The following MIF4GD variants were observed in gnomAD, a reference collection of about 807,000 sequenced individuals.
MIF4GD encodes MIF4G domain-containing protein.
MIF4GD carries 22 observed loss-of-function variants against 26.7 expected under a neutral mutation model. That is an observed-to-expected ratio of 0.82 (90% CI 0.59 to 1.18). The LOEUF is 1.18. Among genes scored for constraint, MIF4GD ranks in the 50% most tolerant of loss-of-function variants. The pLI, the probability that MIF4GD is intolerant of heterozygous loss-of-function variation, is 0.00. For synonymous variants in MIF4GD, 137 were observed against 111.6 expected (o/e 1.23, Z -1.43); for missense variants, 262 against 279.6 (o/e 0.94, Z 0.45).
Position 75,270,313 on chromosome 17 carries a change from C to T in MIF4GD, c.-50-68G>A. ...CAGGGCGGGTTCCGTCCTGCAGGCC[C>T]TGGACGGGGCTGACGGCGCGCTCGG... On this transcript the variant is annotated intron_variant, in intron 1 of 5. Coordinates refer to ENST00000325102, the MANE Select transcript of MIF4GD (RefSeq NM_001370592.1). The surrounding 1 kb of genome is among the most constrained non-coding windows in gnomAD (Gnocchi z 5.7). The T allele has an allele frequency of 1.1e-6, 1 of 883,656 alleles. No homozygotes were observed. Among genetic ancestry groups the T allele is most frequent in the Non-Finnish European group, 1.8e-6 (1 of 544,566 alleles). The allele number at this position is 883,656 out of a possible 1,614,324, so 54.7% of individuals were successfully genotyped here.
Position 75,267,789 on chromosome 17 carries a change from A to T in MIF4GD, c.305T>A (p.Val102Asp). 6.2e-7 allele frequency: 1 copy of T among 1,613,960 alleles called. No individual in the cohort carries two copies. The highest frequency in any genetic ancestry group is 8.5e-7 in the Non-Finnish European group (1 of 1,179,966). The change falls in exon 4 of 6, where the codon GTC (valine) becomes GAC (aspartate). Residue 102 changes from valine (V) to aspartate (D), a missense_variant. Transcript: ENST00000325102. ...QLRARSLQGW[V>D]CYVTFICNIF... ...GTTGCAGATAAAGGTGACATAGCAG[A>T]CCCAGCCCTGCAGGGAGCGTGCTCG...
rs1475622342 is a variant in MIF4GD, at chr17:75,268,052, A to C, written c.192+31T>G. 2.5e-6 allele frequency: 4 copies of C among 1,611,502 alleles called. No homozygotes were observed. In the East Asian group the frequency reaches 8.9e-5, roughly 36 times the overall value. On this transcript the variant is annotated intron_variant, in intron 3 of 5. Coordinates refer to ENST00000325102, the MANE Select transcript of MIF4GD (RefSeq NM_001370592.1). ...CCCACTCCTGAAGCACCTTCCTCAAAGCAGCTTCCTTTCCTCTCCCAACCC... is the reference window on the plus strand; with the variant it reads ...CCCACTCCTGAAGCACCTTCCTCAACGCAGCTTCCTTTCCTCTCCCAACCC...
At position 75,266,856 on chromosome 17, in the gene MIF4GD, T is replaced by C. The variant is rs765637526; in HGVS notation, c.553A>G (p.Thr185Ala). Reference sequence around the variant, plus strand: ...AGCTGGGCCAGGGAGCTGAGGCCAGTTGGGAGCAGGAAGCCATCCCGGATC... The same window carrying C: ...AGCTGGGCCAGGGAGCTGAGGCCAGCTGGGAGCAGGAAGCCATCCCGGATC... ...VLIRDGFLLP[T>A]GLSSLAQLLL... The change falls in exon 6 of 6, where the codon ACT becomes GCT. Residue 185 changes from threonine to alanine, a missense_variant. Physicochemically the swap from Thr to Ala is moderately conservative, Grantham distance 58. Transcript: ENST00000325102. The C allele has an allele frequency of 1.4e-5, 22 of 1,614,128 alleles. No individual in the cohort carries two copies. The highest frequency in any genetic ancestry group is 6.7e-5 in the East Asian group (3 of 44,882).
chr17:75,267,455 G>A (rs764894505), intron 5 of MIF4GD, 83 bp downstream of exon 5: 3 of 1,375,960 alleles, frequency 2.2e-6, no homozygotes, highest in Admixed American at 1.7e-5. Flanking sequence ...AGAGACCTCC[G>A]TGAGCAGTGG....
chr17:75,267,564 G>A lies in MIF4GD; in HGVS notation c.415C>T (p.Pro139Ser), dbSNP rs1378120518. 6.2e-7 allele frequency: 1 copy of A among 1,614,202 alleles called. No homozygotes were observed. Among genetic ancestry groups the A allele is most frequent in the South Asian group, 1.1e-5 (1 of 91,086 alleles). Reference sequence around the variant, plus strand: ...TCCTCCTCCTTGCTCAAACTGTCTGGCTGGGCCAGCCGGAAGAGGCAGTCA... The same window carrying A: ...TCCTCCTCCTTGCTCAAACTGTCTGACTGGGCCAGCCGGAAGAGGCAGTCA... ...VYDCLFRLAQPDSLSKEEEVD... is the reference protein window; with the variant it reads ...VYDCLFRLAQSDSLSKEEEVD... Residue 139 changes from proline (P) to serine (S), a missense_variant, in exon 5 of 6, where the codon CCA becomes TCA. Coordinates refer to ENST00000325102, the MANE Select transcript of MIF4GD (RefSeq NM_001370592.1).
rs1225732254 is a variant in MIF4GD, at chr17:75,270,143, G to C, written c.53C>G (p.Thr18Ser). 1 of 1,614,114 alleles carries C rather than the reference G, an allele frequency of 6.2e-7. No individual in the cohort carries two copies. Among genetic ancestry groups the C allele is most frequent in the Admixed American group, 1.7e-5 (1 of 60,022 alleles). The change falls in exon 2 of 6, where the codon ACC (threonine) becomes AGC (serine). Residue 18 changes from threonine to serine, a missense_variant. Transcript: ENST00000325102. The surrounding 1 kb of genome is among the most constrained non-coding windows in gnomAD (Gnocchi z 5.7). ...GAGTGCTGTCTTCAGCAGCTGCTGG[G>C]TCTCTGCATCAAAGGACTGGATTTT... ...EYKIQSFDAE[T>S]QQLLKTALKD...
Position 75,268,147 on chromosome 17 carries a change from T to A in MIF4GD, c.128A>T (p.Asp43Val). The A allele has an allele frequency of 6.2e-7, 1 of 1,614,220 alleles. No homozygotes were observed. The highest frequency in any genetic ancestry group is 8.5e-7 in the Non-Finnish European group (1 of 1,180,032). ...DLEKVANVIV[D>V]HSLQDCVFSK... is the part of the protein sequence containing the mutation. ...GAACACACAGTCCTGCAGAGAATGG[T>A]CCACAATCACATTGGCCACTTTCTC... The change falls in exon 3 of 6, where the codon GAC becomes GTC. Residue 43 changes from aspartate (D) to valine (V), a missense_variant. Asp to Val is a radical substitution (Grantham distance 152). Transcript: ENST00000325102.
rs1567822371 is a variant in MIF4GD at position 75,267,853 on chromosome 17, T to C, written c.241A>G (p.Asn81Asp). Residue 81 changes from asparagine (N) to aspartate (D), a missense_variant, in exon 4 of 6, where the codon AAC (asparagine) becomes GAC (aspartate). Coordinates refer to ENST00000325102, the MANE Select transcript of MIF4GD (RefSeq NM_001370592.1). ...GQSVFRRGLL[N>D]RLQQEYQARE... ...GCCTGGTACTCCTGCTGCAGCCGGT[T>C]GAGGAGTCCACGTCGGAAGACACTC... The C allele has an allele frequency of 1.9e-6, 3 of 1,613,970 alleles. No homozygotes were observed. Among genetic ancestry groups the C allele is most frequent in the South Asian group, 1.1e-5 (1 of 91,068 alleles).
intron 2 of MIF4GD, among the ~76,000 whole-genome samples, chr17:75,269,166 C>T (rs1335939601): frequency 6.6e-6 from 1 of 152,182 alleles, no homozygotes; most frequent in African/African-American, 2.4e-5. Flanking sequence ...CACATCTTTT[C>T]CTGGCACTAG....
rs777967865 is a variant in MIF4GD at position 75,270,133 on chromosome 17, C to T, written c.63G>A (p.Leu21=). Residue 21 remains leucine (L), a synonymous_variant, in exon 2 of 6, where the codon CTG becomes CTA. Coordinates refer to ENST00000325102, the MANE Select transcript of MIF4GD (RefSeq NM_001370592.1). This position sits in a 1 kb window ranked among gnomAD's most constrained non-coding sequence, Gnocchi z 5.7. ...GCTCACCTTTGAGTGCTGTCTTCAG[C>T]AGCTGCTGGGTCTCTGCATCAAAGG... is the stretch of plus-strand genomic sequence containing the variant. ...IQSFDAETQQ[L]LKTALKDPGA... is the part of the protein sequence containing the mutation. 6.8e-6 allele frequency: 11 copies of T among 1,614,054 alleles called. No individual in the cohort carries two copies. In the Admixed American group the frequency reaches 1.5e-4, roughly 22 times the overall value.
intron 2 of MIF4GD, among the ~76,000 whole-genome samples, chr17:75,268,887 C>T (rs1159498837): frequency 6.6e-6 from 1 of 151,600 alleles, no homozygotes; most frequent in Non-Finnish European, 1.5e-5. Flanking sequence ...CCCTGTAACC[C>T]CAGCTACTTG....
In MIF4GD at chr17:75,270,850, G is replaced by C. The variant is rs1179954891; in HGVS notation, c.-51+294C>G. The stretch of plus-strand genomic sequence containing the variant: ...CCCGTGCCAGCTTCTCCCTGGGACA[G>C]GCTGGTCGGATCGGCTCCCGAGTGG... On this transcript the variant is annotated intron_variant, in intron 1 of 5. Coordinates refer to ENST00000325102, the MANE Select transcript of MIF4GD (RefSeq NM_001370592.1). The surrounding 1 kb of genome is among the most constrained non-coding windows in gnomAD (Gnocchi z 5.7). The C allele has an allele frequency of 6.6e-6, 1 of 152,638 alleles. No individual in the cohort carries two copies. The highest frequency in any genetic ancestry group is 2.4e-5 in the African/African-American group (1 of 41,462). The allele number at this position is 152,638 out of a possible 1,614,324, so 9.5% of individuals were successfully genotyped here.
Position 75,270,305 on chromosome 17 carries a change from T to C in MIF4GD, c.-50-60A>G. The C allele has an allele frequency of 1.0e-6, 1 of 969,062 alleles. No homozygotes were observed. Among genetic ancestry groups the C allele is most frequent in the Non-Finnish European group, 1.6e-6 (1 of 611,928 alleles). The allele number at this position is 969,062 out of a possible 1,614,324, so 60.0% of individuals were successfully genotyped here. ...GTGGAGCGCAGGGCGGGTTCCGTCCTGCAGGCCCTGGACGGGGCTGACGGC... is the reference window on the plus strand; with the variant it reads ...GTGGAGCGCAGGGCGGGTTCCGTCCCGCAGGCCCTGGACGGGGCTGACGGC... On this transcript the variant is annotated intron_variant, in intron 1 of 5. Transcript: ENST00000325102. This position sits in a 1 kb window ranked among gnomAD's most constrained non-coding sequence, Gnocchi z 5.7.
Position 75,267,849 on chromosome 17 carries a change from C to G in MIF4GD, c.245G>C (p.Arg82Pro). ...CCGAGCCTGGTACTCCTGCTGCAGC[C>G]GGTTGAGGAGTCCACGTCGGAAGAC... ...QSVFRRGLLN[R>P]LQQEYQAREQ... The change falls in exon 4 of 6, where the codon CGG (arginine) becomes CCG (proline). Residue 82 changes from arginine (R) to proline (P), a missense_variant. Arg to Pro is a moderately radical substitution (Grantham distance 103). Transcript: ENST00000325102. 1 of 1,613,950 alleles carries G rather than the reference C, an allele frequency of 6.2e-7. No individual in the cohort carries two copies. Among genetic ancestry groups the G allele is most frequent in the Non-Finnish European group, 8.5e-7 (1 of 1,180,010 alleles).
At position 75,267,731 on chromosome 17, in the gene MIF4GD, C is replaced by A; in HGVS notation, c.348+15G>T. The A allele has an allele frequency of 6.2e-7, 1 of 1,611,954 alleles. No individual in the cohort carries two copies. The highest frequency in any genetic ancestry group is 8.5e-7 in the Non-Finnish European group (1 of 1,178,544). On this transcript the variant is annotated intron_variant, in intron 4 of 5. Transcript: ENST00000325102. ...AGGCCATGTCTGCCTCCCAGGGTGGCTGCCGGGGCCTCACCCTCAGGTAGT... is the reference window on the plus strand; with the variant it reads ...AGGCCATGTCTGCCTCCCAGGGTGGATGCCGGGGCCTCACCCTCAGGTAGT...
In MIF4GD at chr17:75,267,745, C is replaced by A. The variant is rs1328852080; in HGVS notation, c.348+1G>T. ...TCCCAGGGTGGCTGCCGGGGCCTCA[C>A]CCTCAGGTAGTCAAAGATGTTGCAG... is the stretch of plus-strand genomic sequence containing the variant. On this transcript the variant is annotated splice_donor_variant, in intron 4 of 5. Coordinates refer to ENST00000325102, the MANE Select transcript of MIF4GD (RefSeq NM_001370592.1). LOFTEE classifies it high-confidence loss of function. 3 of 1,613,016 alleles carry A rather than the reference C, an allele frequency of 1.9e-6. No individual in the cohort carries two copies. Among genetic ancestry groups the A allele is most frequent in the South Asian group, 1.1e-5 (1 of 90,998 alleles).
Position 75,267,646 on chromosome 17 carries a change from G to C in MIF4GD, c.349-16C>G, listed in dbSNP as rs371906555. ...TGTTGTTCACCTGTGAGGAAGAGGA[G>C]GGGTCAGAGCACCAGGCTTAGTGGC... On this transcript the variant is annotated splice_polypyrimidine_tract_variant and intron_variant, in intron 4 of 5. Transcript: ENST00000325102. The C allele has an allele frequency of 5.3e-5, 86 of 1,614,018 alleles. No individual in the cohort carries two copies. Among genetic ancestry groups the C allele is most frequent in the Non-Finnish European group, 6.9e-5 (82 of 1,179,996 alleles).
chr17:75,266,695 G>A lies in MIF4GD; in HGVS notation c.*45C>T, dbSNP rs773538560. ...ACTCCACTGCCAGCTTTAGAGGTGG[G>A]TAGAAGAAAGGCCAGTGCTGGTGAG... On this transcript the variant is annotated 3_prime_UTR_variant, in exon 6 of 6. Coordinates refer to ENST00000325102, the MANE Select transcript of MIF4GD (RefSeq NM_001370592.1). 1.2e-4 allele frequency: 189 copies of A among 1,574,516 alleles called. No homozygotes were observed. Among genetic ancestry groups the A allele is most frequent in the Admixed American group, 2.0e-4 (12 of 59,940 alleles).
intron 2 of MIF4GD, chr17:75,269,598 T>C (rs1178057784): frequency 1.1e-6 from 1 of 932,018 alleles, no homozygotes; most frequent in Non-Finnish European, 1.5e-6. Context: ...TCTCGCTCTG[T>C]AGCCAGGCTG....
Sources: gnomAD v4.1 joint callset for allele counts (sites outside exome capture counted in the v4.1 genomes callset) on GRCh38, gnomAD v4.1.1 for gene constraint, Gnocchi (gnomAD v3.1) non-coding constraint, MANE v1.5 for transcripts, NCBI Gene and HGNC (gene_info 2026-07-23, HGNC 2026-07-21) for gene names.